TSPAN9: variants seen among roughly 807,000 people sequenced by gnomAD.
The protein encoded by TSPAN9 is tetraspanin-9.
TSPAN9 carries 16 observed loss-of-function variants against 31.0 expected under a neutral mutation model. The ratio of observed to expected loss-of-function variants is 0.52; its 90% CI spans 0.35 to 0.78. The LOEUF is 0.78. TSPAN9 is among the 30% of genes least tolerant of loss of function. TSPAN9 has a pLI of 0.01. For missense variants in TSPAN9, 272 were observed against 312.5 expected, an observed-to-expected ratio of 0.87 and a Z score of 0.98; for synonymous variants, 145 against 121.6, an observed-to-expected ratio of 1.19 and a Z score of -1.27.
chr12:3,124,025 A>G (rs1038040588), intron 2 of TSPAN9, among the ~76,000 whole-genome samples: 4 of 152,176 alleles, frequency 2.6e-5, no homozygotes, highest in African/African-American at 9.7e-5. Context: ...GTAAGATACA[A>G]TGTGGTTGGT....
At chr12:3,198,701 GCACA>G (rs1406179143) in intron 2 of TSPAN9, among the ~76,000 whole-genome samples, 2 of 36,276 alleles carry the variant, frequency 5.5e-5, no homozygotes. Context: ...GTCACCACCA[GCACA>G]GGCCACCACC....
At chr12:3,245,642 C>A (rs1202988059) in intron 3 of TSPAN9, among the ~76,000 whole-genome samples, 1 of 152,164 alleles carries the variant, frequency 6.6e-6, no homozygotes, top group African/African-American at 2.4e-5. Flanking sequence ...ATCAGAGCCA[C>A]CAAAACAGTC....
At chr12:3,217,058 G>A (rs1180862791) in intron 3 of TSPAN9, among the ~76,000 whole-genome samples, 2 of 152,264 alleles carry the variant, frequency 1.3e-5, no homozygotes, top group Admixed American at 1.3e-4. Context: ...AGGGCAGCCT[G>A]TTGCCCGGCT....
At chr12:3,134,876 C>T (rs901950343) in intron 2 of TSPAN9, among the ~76,000 whole-genome samples, 6 of 151,874 alleles carry the variant, frequency 4.0e-5, no homozygotes, top group African/African-American at 1.2e-4. Context: ...GAGGCAGTGA[C>T]GTTTGTACAG....
chr12:3,079,508 C>G (rs559124947), intron 1 of TSPAN9, among the ~76,000 whole-genome samples: 19 of 152,248 alleles, frequency 1.2e-4, no homozygotes, highest in South Asian at 2.1e-4. Context: ...GTTGCCCAGG[C>G]TGGAGTGCGA....
chr12:3,131,852 T>A (rs1249886691), intron 2 of TSPAN9, among the ~76,000 whole-genome samples: 1 of 152,250 alleles, frequency 6.6e-6, no homozygotes, highest in Non-Finnish European at 1.5e-5. Flanking sequence ...TCACCGTGTT[T>A]GTAAAACCAT....
intron 2 of TSPAN9, among the ~76,000 whole-genome samples, chr12:3,103,662 G>A (rs1054932744): frequency 6.6e-6 from 1 of 152,168 alleles, no homozygotes; most frequent in Non-Finnish European, 1.5e-5. Context: ...GTGACTTTGG[G>A]AAGTGGCTGG....
At chr12:3,188,454 G>A (rs763475757) in intron 2 of TSPAN9, among the ~76,000 whole-genome samples, 2 of 152,102 alleles carry the variant, frequency 1.3e-5, no homozygotes, top group Non-Finnish European at 2.9e-5. Flanking sequence ...TGCTAGTCAG[G>A]TACCCGGGCC....
At position 3,247,655 on chromosome 12, in the gene TSPAN9, C is replaced by T. The variant is rs932006139; in HGVS notation, c.64-30766C>T. On this transcript the variant is annotated intron_variant, in intron 3 of 8. Transcript: ENST00000011898. ...CACGTCCATTGTCATCTCCTTTTGACGTTGGCCATCTGGTTTTGAGAATAG... is the reference window on the plus strand; with the variant it reads ...CACGTCCATTGTCATCTCCTTTTGATGTTGGCCATCTGGTTTTGAGAATAG... Among the ~76,000 whole-genome samples the T allele has an allele frequency of 4.6e-5, 7 of 152,186 alleles. 1 individual carries two copies. Among genetic ancestry groups the T allele is most frequent in the South Asian group, 4.1e-4 (2 of 4,820 alleles).
rs1292699286 is a variant in TSPAN9 at position 3,247,310 on chromosome 12, C to G, written c.64-31111C>G. Among the ~76,000 whole-genome samples, 13 of 51,000 alleles carry G rather than the reference C, an allele frequency of 2.5e-4. 2 individuals are homozygous for G. The highest frequency in any genetic ancestry group is 9.4e-4 in the East Asian group (2 of 2,130). 33.5% of individuals were successfully genotyped at this position (51,000 alleles called of 152,430 possible). On this transcript the variant is annotated intron_variant, in intron 3 of 8. Transcript: ENST00000011898. ...AGCATTACTGGCCAGCCCCCCCCCC[C>G]CCGCCACCCGCGTCCCCAAGTAGAG...
rs71577854 is a variant in TSPAN9, at chr12:3,283,145, C to T, written c.*29C>T. ...GGCTGGCCGGGAGTGCCCACCCCGC[C>T]CTGCTGCCCTGTGGAGGGAAGAGGA... is the stretch of plus-strand genomic sequence containing the variant. On this transcript the variant is annotated 3_prime_UTR_variant, in exon 9 of 9. Coordinates refer to ENST00000011898, the MANE Select transcript of TSPAN9 (RefSeq NM_006675.5). 4.6e-3 allele frequency: 7,398 copies of T among 1,602,304 alleles called. 23 individuals carry two copies. The highest frequency in any genetic ancestry group is 8.1e-3 in the African/African-American group (611 of 75,002).
intron 2 of TSPAN9, among the ~76,000 whole-genome samples, chr12:3,131,129 G>GGAAA (rs900457599): frequency 1.4e-5 from 2 of 148,120 alleles, no homozygotes; most frequent in East Asian, 2.0e-4. Context: ...CACTTTTGGG[G>GGAAA]AAAAAAAAAA....
At chr12:3,269,492 G>GTGTTTTTC (rs1862627934) in intron 3 of TSPAN9, among the ~76,000 whole-genome samples, 6 of 73,072 alleles carry the variant, frequency 8.2e-5, no homozygotes, top group Middle Eastern at 7.2e-3. Flanking sequence ...CTGTGTTTCT[G>GTGTTTTTC]CAGCCTGCCC....
intron 3 of TSPAN9, among the ~76,000 whole-genome samples, chr12:3,254,201 A>G (rs1479958919): frequency 2.6e-5 from 4 of 152,232 alleles, no homozygotes; most frequent in African/African-American, 9.6e-5. Context: ...GCAGGGGCCC[A>G]TGCCTCTGTG....
chr12:3,280,478 G>A lies in TSPAN9; in HGVS notation c.427G>A (p.Ala143Thr). Reference protein sequence around the residue: ...GLKNAWNIIQAEMRCCGVTDY... With the variant: ...GLKNAWNIIQTEMRCCGVTDY... ...GAAGAACGCCTGGAACATCATCCAG[G>A]CTGAGGTGCGGGCTGGGCCGCCCTG... is the stretch of plus-strand genomic sequence containing the variant. The change falls in exon 6 of 9, where the codon GCT becomes ACT. Residue 143 changes from alanine to threonine, a missense_variant. By Grantham distance (58) the Ala-to-Thr change is moderately conservative. Coordinates refer to ENST00000011898, the MANE Select transcript of TSPAN9 (RefSeq NM_006675.5). The surrounding 1 kb of genome is among the most constrained non-coding windows in gnomAD (Gnocchi z 4.5). 4 of 1,611,782 alleles carry A rather than the reference G, an allele frequency of 2.5e-6. No individual in the cohort carries two copies. Among genetic ancestry groups the A allele is most frequent in the Non-Finnish European group, 3.4e-6 (4 of 1,179,860 alleles).
At chr12:3,154,176 C>T (rs1420906731) in intron 2 of TSPAN9, among the ~76,000 whole-genome samples, 4 of 152,090 alleles carry the variant, frequency 2.6e-5, no homozygotes, top group Non-Finnish European at 5.9e-5. Flanking sequence ...TATTAAATAC[C>T]AGCCGGAAGT....
intron 2 of TSPAN9, among the ~76,000 whole-genome samples, chr12:3,120,664 T>A (rs1423797494): frequency 6.6e-6 from 1 of 152,182 alleles, no homozygotes; most frequent in Non-Finnish European, 1.5e-5. Flanking sequence ...GGCAGGAAGT[T>A]GAGCTTGGCA....
chr12:3,080,300 T>C (rs1048040554), intron 1 of TSPAN9, among the ~76,000 whole-genome samples: 1 of 152,116 alleles, frequency 6.6e-6, no homozygotes, highest in African/African-American at 2.4e-5. Context: ...AATTCTAAAA[T>C]TGTGGTTAAA....
At chr12:3,226,740 GTGTGTATATATATATATATATATATA>G (rs1318190868) in intron 3 of TSPAN9, among the ~76,000 whole-genome samples, 770 of 13,134 alleles carry the variant, frequency 0.059, 167 homozygotes, top group Middle Eastern at 0.15. Flanking sequence ...GTGTGTGTGT[GTGTGTATATATATATATATATATATA>G]TATATATATA....
Sources: gnomAD v4.1 joint callset for allele counts (sites outside exome capture counted in the v4.1 genomes callset) on GRCh38, gnomAD v4.1.1 for gene constraint, Gnocchi (gnomAD v3.1) non-coding constraint, MANE v1.5 for transcripts, NCBI Gene and HGNC (gene_info 2026-07-23, HGNC 2026-07-21) for gene names.